Variants in PRKN observed in about 807,000 individuals in gnomAD.
PRKN encodes the protein parkin RBR E3 ubiquitin protein ligase.
In PRKN, 56 loss-of-function variants were observed where a neutral mutation model predicts 59.5. The observed-to-expected ratio is 0.94, with a 90% confidence interval of 0.76 to 1.18. The LOEUF (loss-of-function observed/expected upper bound fraction) is 1.18. Among genes scored for constraint, PRKN ranks in the 50% most tolerant of loss-of-function variants. The pLI is 0.00. For missense variants in PRKN, 657 were observed against 596.4 expected (o/e 1.10, Z -1.06); for synonymous variants, 250 against 222.1 (o/e 1.13, Z -1.12).
rs150148066 is a variant in PRKN, at chr6:161,608,744, G to A, written c.872-39328C>T. On this transcript the variant is annotated intron_variant, in intron 7 of 11. Transcript: ENST00000366898. Reference sequence around the variant, plus strand: ...TAGTAGAGATGGGGTTTCACCATGTGGGCCAGGCTGGTTTCGAATTCCTGA... The same window carrying A: ...TAGTAGAGATGGGGTTTCACCATGTAGGCCAGGCTGGTTTCGAATTCCTGA... Among the ~76,000 whole-genome samples the A allele has an allele frequency of 1.4e-3, 211 of 151,270 alleles. 3 individuals carry two copies. The East Asian group carries it at 0.032, about 23-fold the overall frequency.
At chr6:162,312,367 C>A (rs180671730) in intron 2 of PRKN, among the ~76,000 whole-genome samples, 34 of 152,178 alleles carry the variant, frequency 2.2e-4, no homozygotes, top group Admixed American at 2.2e-3. Context: ...CTGTTCATTT[C>A]TCCAACCTGT....
In PRKN at chr6:162,180,930, A is replaced by G. The variant is rs1783775054; in HGVS notation, c.534+20201T>C. On this transcript the variant is annotated intron_variant, in intron 4 of 11. Transcript: ENST00000366898. Reference sequence around the variant, plus strand: ...GATGGTAGACACCAAAGAGGACATCAGGGAACAGGCAAAATCCAAATAACA... The same window carrying G: ...GATGGTAGACACCAAAGAGGACATCGGGGAACAGGCAAAATCCAAATAACA... Among the ~76,000 whole-genome samples, 4 of 152,228 alleles carry G rather than the reference A, an allele frequency of 2.6e-5. 1 individual carries two copies. The South Asian group carries it at 8.3e-4, about 32-fold the overall frequency.
chr6:162,559,130 G>C (rs928191313), intron 1 of PRKN, among the ~76,000 whole-genome samples: 1 of 122,726 alleles, frequency 8.1e-6, no homozygotes, highest in Non-Finnish European at 1.6e-5. Flanking sequence ...CTGCCTGGGC[G>C]ACAGAGCAAG....
At chr6:161,833,002 C>T (rs543968450) in intron 6 of PRKN, among the ~76,000 whole-genome samples, 7 of 152,230 alleles carry the variant, frequency 4.6e-5, no homozygotes, top group African/African-American at 1.4e-4. Flanking sequence ...TTACTATGAT[C>T]CCCAGGCTGC....
intron 6 of PRKN, among the ~76,000 whole-genome samples, chr6:161,953,110 AATTT>A (rs551389439): frequency 1.3e-5 from 2 of 151,870 alleles, no homozygotes; most frequent in African/African-American, 4.8e-5. Context: ...AAATCTCCTG[AATTT>A]ATTTATTTAT....
intron 9 of PRKN, among the ~76,000 whole-genome samples, chr6:161,520,211 C>G (rs1778766590): frequency 6.8e-6 from 1 of 146,140 alleles, no homozygotes; most frequent in Non-Finnish European, 1.5e-5. Context: ...TCTCTATGCT[C>G]AAATCTCTCT....
At chr6:162,057,143 G>T (rs1777900455) in intron 4 of PRKN, among the ~76,000 whole-genome samples, 1 of 152,116 alleles carries the variant, frequency 6.6e-6, no homozygotes, top group South Asian at 2.1e-4. Context: ...ACATAGGAGG[G>T]TCGGGGCTCA....
intron 4 of PRKN, among the ~76,000 whole-genome samples, chr6:162,186,290 T>G: frequency 6.6e-6 from 1 of 151,314 alleles, no homozygotes; most frequent in Non-Finnish European, 1.5e-5. Context: ...TAAACATCAC[T>G]GACATAATTT....
At chr6:162,563,310 C>CA (rs1363952062) in intron 1 of PRKN, among the ~76,000 whole-genome samples, 4 of 77,414 alleles carry the variant, frequency 5.2e-5, no homozygotes, top group African/African-American at 2.2e-4. Flanking sequence ...TCTTAAAAAA[C>CA]AAAAAACAAA....
intron 2 of PRKN, among the ~76,000 whole-genome samples, chr6:162,425,108 T>C (rs529761104): frequency 2.4e-4 from 37 of 152,194 alleles, no homozygotes; most frequent in African/African-American, 8.4e-4. Context: ...AGAAAACTTA[T>C]TGACCTGATA....
In PRKN at chr6:162,671,745, T is replaced by C. The variant is rs1008228848; in HGVS notation, c.7+55917A>G. 5.3e-5 allele frequency among the ~76,000 whole-genome samples: 8 copies of C among 151,606 alleles called. No homozygotes were observed. The East Asian group carries it at 1.6e-3, about 29-fold the overall frequency. On this transcript the variant is annotated intron_variant, in intron 1 of 11. Transcript: ENST00000366898. ...CATACATGTTTAGGAAATATTAAAA[T>C]ATTGAATATAAAACTATTAAATAAA...
intron 1 of PRKN, among the ~76,000 whole-genome samples, chr6:162,587,356 G>A (rs553821367): frequency 5.3e-4 from 81 of 152,114 alleles, no homozygotes; most frequent in Non-Finnish European, 9.7e-4. Flanking sequence ...GGCTGGTCTC[G>A]AACTCCCAAC....
At chr6:162,155,861 A>T (rs1206846530) in intron 4 of PRKN, among the ~76,000 whole-genome samples, 2 of 152,132 alleles carry the variant, frequency 1.3e-5, no homozygotes, top group Admixed American at 1.3e-4. Flanking sequence ...ACTAAAACCA[A>T]AACGTGATAA....
chr6:161,825,054 A>G (rs540800373), intron 6 of PRKN, among the ~76,000 whole-genome samples: 1 of 152,334 alleles, frequency 6.6e-6, no homozygotes, highest in Non-Finnish European at 1.5e-5. Flanking sequence ...TAAAACTAAA[A>G]GGTACTTTTC....
rs1306294734 is a variant in PRKN, at chr6:161,562,477, T to G, written c.933+6878A>C. 2.0e-5 allele frequency among the ~76,000 whole-genome samples: 3 copies of G among 152,194 alleles called. No individual in the cohort carries two copies. The highest frequency in any genetic ancestry group is 2.9e-5 in the Non-Finnish European group (2 of 68,018). ...CACGGTCTCTCCTTTCTTGGCTTCT[T>G]CTGAGAATCCCCATGGGTTTAAAAT... On this transcript the variant is annotated intron_variant, in intron 8 of 11. Coordinates refer to ENST00000366898, the MANE Select transcript of PRKN (RefSeq NM_004562.3). This position sits in a 1 kb window ranked among gnomAD's most constrained non-coding sequence, Gnocchi z 4.3.
intron 2 of PRKN, among the ~76,000 whole-genome samples, chr6:162,346,696 T>A (rs182962564): frequency 2.6e-4 from 39 of 152,130 alleles, no homozygotes; most frequent in African/African-American, 8.4e-4. Context: ...CATGACTGCA[T>A]GAGAAATTTT....
rs557410033 is a variant in PRKN at position 162,425,375 on chromosome 6, G to A, written c.171+17935C>T. ...ACCTTGTGAAAATATAATCTTCCAA[G>A]GGAGAGAAGCAATACACCCAGTCAC... On this transcript the variant is annotated intron_variant, in intron 2 of 11. Transcript: ENST00000366898. Among the ~76,000 whole-genome samples the A allele has an allele frequency of 2.2e-3, 328 of 152,228 alleles. 5 individuals are homozygous for A. The highest frequency in any genetic ancestry group is 3.5e-3 in the Admixed American group (54 of 15,290).
At chr6:162,378,918 A>T (rs1398194827) in intron 2 of PRKN, among the ~76,000 whole-genome samples, 3 of 152,162 alleles carry the variant, frequency 2.0e-5, no homozygotes, top group South Asian at 2.1e-4. Context: ...ACAGGCAACA[A>T]CACAGAGGTG....
intron 1 of PRKN, among the ~76,000 whole-genome samples, chr6:162,574,406 T>C (rs1342035301): frequency 6.6e-6 from 1 of 152,208 alleles, no homozygotes; most frequent in Non-Finnish European, 1.5e-5. Context: ...TTTGAGGTTA[T>C]GCTGCCCAGT....
Sources: allele counts gnomAD v4.1 joint callset (sites outside exome capture counted in the v4.1 genomes callset), GRCh38; gene constraint gnomAD v4.1.1; non-coding constraint Gnocchi (gnomAD v3.1); transcripts MANE v1.5; gene names NCBI Gene and HGNC (gene_info 2026-07-23, HGNC 2026-07-21).